TASP1: variants seen among roughly 807,000 people sequenced by gnomAD.
The protein encoded by TASP1 is taspase 1.
A neutral mutation model predicts 56.6 loss-of-function variants in TASP1; 16 were observed. That is an observed-to-expected ratio of 0.28 (90% CI 0.19 to 0.43). The LOEUF is 0.43. Among genes scored for constraint, TASP1 ranks in the 20% least tolerant of loss-of-function variants. The pLI, the probability that TASP1 is intolerant of heterozygous loss-of-function variation, is 1.00. For synonymous variants in TASP1, 179 were observed against 184.2 expected, an observed-to-expected ratio of 0.97 and a Z score of 0.23; for missense variants, 393 against 511.6, an observed-to-expected ratio of 0.77 and a Z score of 2.24.
chr20:13,592,289 C>T (rs752878917), intron 4 of TASP1, among the ~76,000 whole-genome samples: 16 of 151,166 alleles, frequency 1.1e-4, no homozygotes, highest in African/African-American at 2.9e-4. Flanking sequence ...CCCAGCTACT[C>T]GGGAGGCTGA....
intron 8 of TASP1, among the ~76,000 whole-genome samples, chr20:13,549,276 G>A (rs988225773): frequency 6.6e-6 from 1 of 152,026 alleles, no homozygotes; most frequent in Non-Finnish European, 1.5e-5. Flanking sequence ...CCTGGGACCC[G>A]ACTATGTATT....
At chr20:13,449,091 C>A (rs6042115) in intron 11 of TASP1, among the ~76,000 whole-genome samples, 2,544 of 151,982 alleles carry the variant, frequency 0.017, 73 homozygotes, top group African/African-American at 0.056. Context: ...ATTCTAGATT[C>A]TATGTGTGCT....
chr20:13,422,501 CTTCTT>C (rs2042479623), intron 12 of TASP1, among the ~76,000 whole-genome samples: 1 of 152,126 alleles, frequency 6.6e-6, no homozygotes, highest in Admixed American at 6.5e-5. Context: ...TGAGTTTCCT[CTTCTT>C]TTATCTGGGT....
chr20:13,467,074 A>C, intron 11 of TASP1, among the ~76,000 whole-genome samples: 1 of 152,096 alleles, frequency 6.6e-6, no homozygotes, highest in South Asian at 2.1e-4. Flanking sequence ...AGGGAAGCTG[A>C]AAAAGTAATA....
intron 6 of TASP1, among the ~76,000 whole-genome samples, chr20:13,578,237 ATAT>A (rs2046998938): frequency 6.6e-6 from 1 of 151,926 alleles, no homozygotes; most frequent in Admixed American, 6.6e-5. Flanking sequence ...TCCTTGATTA[ATAT>A]TATTGGGCAC....
At chr20:13,126,597 G>A in the TASP1 span, 44 of 1,613,152 alleles carry the variant, frequency 2.7e-5, no homozygotes, top group African/African-American at 2.4e-4. Context: ...TAAGGACCTC[G>A]TGGATTATTT....
At chr20:13,159,973 T>C in the TASP1 span, 1 of 1,514,810 alleles carries the variant, frequency 6.6e-7, no homozygotes, top group Non-Finnish European at 8.9e-7. Flanking sequence ...CTAACCACTT[T>C]TTTTTTTTCT....
At position 13,583,078 on chromosome 20, in the gene TASP1, A is replaced by C. The variant is rs999382632; in HGVS notation, c.404-2097T>G. 3.3e-5 allele frequency among the ~76,000 whole-genome samples: 5 copies of C among 152,356 alleles called. No individual in the cohort carries two copies. The East Asian group carries it at 7.7e-4, about 23-fold the overall frequency. On this transcript the variant is annotated intron_variant, in intron 5 of 13. Transcript: ENST00000337743. ...CCACAGCAGCATAGCTGAGAGCTCC[A>C]GAAAGAATGAGACCATACTCCAATT...
At chr20:13,628,372 C>T (rs1568668846) in intron 2 of TASP1, among the ~76,000 whole-genome samples, 1 of 152,148 alleles carries the variant, frequency 6.6e-6, no homozygotes, top group Admixed American at 6.5e-5. Context: ...GGAAGATGTA[C>T]CATCAACATA....
At chr20:13,325,906 C>A in the TASP1 span, among the ~76,000 whole-genome samples, 2 of 152,166 alleles carry the variant, frequency 1.3e-5, no homozygotes, top group South Asian at 4.1e-4. Context: ...CCAATACACA[C>A]GTCGACCATC....
chr20:13,579,370 GA>G (rs1028508155), intron 6 of TASP1, among the ~76,000 whole-genome samples: 6 of 151,874 alleles, frequency 4.0e-5, no homozygotes, highest in African/African-American at 7.2e-5. Flanking sequence ...GCAAGTGTAA[GA>G]TTTTTTTTTT....
At chr20:13,584,811 T>A (rs2047245809) in intron 5 of TASP1, among the ~76,000 whole-genome samples, 1 of 152,094 alleles carries the variant, frequency 6.6e-6, no homozygotes, top group South Asian at 2.1e-4. Context: ...ATTTGACAAC[T>A]CATATGAAAT....
intron 12 of TASP1, among the ~76,000 whole-genome samples, chr20:13,434,500 C>T (rs1445509724): frequency 6.6e-6 from 1 of 152,116 alleles, no homozygotes; most frequent in Non-Finnish European, 1.5e-5. Flanking sequence ...CGAAAATACT[C>T]ATTTGACCCT....
At chr20:13,199,788 G>T in the TASP1 span, among the ~76,000 whole-genome samples, 3 of 152,194 alleles carry the variant, frequency 2.0e-5, no homozygotes, top group Non-Finnish European at 4.4e-5. Context: ...CCAGGATGGT[G>T]CCCAAATCTA....
At chr20:13,176,262 G>T in the TASP1 span, among the ~76,000 whole-genome samples, 1 of 152,116 alleles carries the variant, frequency 6.6e-6, no homozygotes, top group Non-Finnish European at 1.5e-5. Flanking sequence ...CATTACTGTG[G>T]TTAAGACTTC....
At chr20:13,518,453 T>C (rs2044616343) in intron 10 of TASP1, among the ~76,000 whole-genome samples, 1 of 152,058 alleles carries the variant, frequency 6.6e-6, no homozygotes, top group Admixed American at 6.6e-5. Context: ...CCCCCTTTCA[T>C]ACAAAAGAAA....
chr20:13,353,688 CTGTT>C, the TASP1 span, among the ~76,000 whole-genome samples: 13 of 152,262 alleles, frequency 8.5e-5, no homozygotes, highest in East Asian at 1.9e-4. Flanking sequence ...GATTGGAAGA[CTGTT>C]TGTTGGGTAA....
chr20:13,620,050 A>G (rs1468796312), intron 4 of TASP1, among the ~76,000 whole-genome samples: 5 of 152,166 alleles, frequency 3.3e-5, no homozygotes, highest in Admixed American at 1.3e-4. Flanking sequence ...AATTTAATAG[A>G]TAGGAACTTT....
chr20:13,509,765 T>C (rs1170942960), intron 10 of TASP1, among the ~76,000 whole-genome samples: 2 of 152,206 alleles, frequency 1.3e-5, no homozygotes, highest in African/African-American at 4.8e-5. Context: ...TAGCTGAGAC[T>C]ACAGGCGCGC....
Sources: gnomAD v4.1 joint callset for allele counts (sites outside exome capture counted in the v4.1 genomes callset) on GRCh38, gnomAD v4.1.1 for gene constraint, MANE v1.5 for transcripts, NCBI Gene and HGNC (gene_info 2026-07-23, HGNC 2026-07-21) for gene names.